The following IFT80 variants were observed in gnomAD, a reference collection of about 807,000 sequenced individuals.
IFT80 encodes the protein intraflagellar transport 80.
IFT80 carries 79 observed loss-of-function variants against 107.9 expected under a neutral mutation model. The ratio of observed to expected loss-of-function variants is 0.73; its 90% CI spans 0.61 to 0.88. The LOEUF is 0.88. IFT80 is among the 40% of genes least tolerant of loss of function. The probability of loss-of-function intolerance (pLI) is 0.00; values close to 1 mark genes in which losing one functional copy is unlikely to be tolerated. For missense variants in IFT80, 797 were observed against 914.2 expected, an observed-to-expected ratio of 0.87 and a Z score of 1.65; for synonymous variants, 299 against 300.9, an observed-to-expected ratio of 0.99 and a Z score of 0.07.
At chr3:160,278,692 T>C (rs1714460172) in intron 16 of IFT80, among the ~76,000 whole-genome samples, 1 of 152,112 alleles carries the variant, frequency 6.6e-6, no homozygotes, top group Admixed American at 6.5e-5. Flanking sequence ...AAAAAAAGCA[T>C]CTAAAAGTCA....
At position 160,381,574 on chromosome 3, in the gene IFT80, T is replaced by G; in HGVS notation, c.188A>C (p.His63Pro). ...LPDDIYPIDF[H>P]WFPKSLGVKK... ...TACACCCAAACTTTTTGGAAACCAG[T>G]GAAAATCAATAGGGTAAATATCATC... The change falls in exon 3 of 20, where the codon CAC becomes CCC. Residue 63 changes from histidine (H) to proline (P), a missense_variant. Physicochemically the swap from His to Pro is moderately conservative, Grantham distance 77. Transcript: ENST00000326448. 6.2e-7 allele frequency: 1 copy of G among 1,613,794 alleles called. No homozygotes were observed. The highest frequency in any genetic ancestry group is 8.5e-7 in the Non-Finnish European group (1 of 1,179,920).
intron 8 of IFT80, among the ~76,000 whole-genome samples, chr3:160,351,614 TTA>T (rs201032227): frequency 8.8e-5 from 13 of 147,564 alleles, no homozygotes; most frequent in South Asian, 2.1e-4. Context: ...TTTGTATATA[TTA>T]TATATATAGT....
chr3:160,268,855 A>T (rs1576726551), intron 18 of IFT80: 1 of 298,212 alleles, frequency 3.4e-6, no homozygotes, highest in Non-Finnish European at 6.4e-6. Context: ...TTTTTTCTCC[A>T]CTAGCCAATA....
At chr3:160,344,519 G>T (rs1246019511) in intron 8 of IFT80, among the ~76,000 whole-genome samples, 9 of 152,054 alleles carry the variant, frequency 5.9e-5, no homozygotes. Context: ...AAAATCTCCA[G>T]CGCTGGTCTG....
chr3:160,293,696 G>C (rs1282206377), intron 12 of IFT80, among the ~76,000 whole-genome samples: 1 of 152,084 alleles, frequency 6.6e-6, no homozygotes, highest in Non-Finnish European at 1.5e-5. Context: ...ACTCTGGTGA[G>C]CCCCTAGATA....
chr3:160,268,649 A>G (rs1306750933), intron 18 of IFT80, 113 bp from the exon 19 acceptor site: 4 of 1,015,094 alleles, frequency 3.9e-6, no homozygotes, highest in African/African-American at 3.2e-5. Context: ...TTATTCCACA[A>G]TATGAAATAC....
intron 19 of IFT80, among the ~76,000 whole-genome samples, chr3:160,260,644 T>C (rs1218612926): frequency 6.6e-6 from 1 of 152,230 alleles, no homozygotes; most frequent in Admixed American, 6.5e-5. Flanking sequence ...ATTTAGTTCG[T>C]GGATTAGAAT....
intron 8 of IFT80, among the ~76,000 whole-genome samples, chr3:160,341,044 T>G (rs1324843778): frequency 6.6e-6 from 1 of 152,164 alleles, no homozygotes; most frequent in Non-Finnish European, 1.5e-5. Flanking sequence ...AGACAAGTTT[T>G]CACTCTGTCA....
At chr3:160,319,340 T>TA (rs1223572622) in intron 9 of IFT80, among the ~76,000 whole-genome samples, 1 of 152,006 alleles carries the variant, frequency 6.6e-6, no homozygotes, top group African/African-American at 2.4e-5. Context: ...AAATAAAATT[T>TA]AAAAAAATCA....
At chr3:160,395,011 T>G (rs2108426307) in intron 1 of IFT80, among the ~76,000 whole-genome samples, 2 of 152,296 alleles carry the variant, frequency 1.3e-5, no homozygotes, top group South Asian at 4.1e-4. Context: ...AATTCTAATT[T>G]TATATGTTTC....
chr3:160,262,706 T>G (rs781056285), intron 19 of IFT80, among the ~76,000 whole-genome samples: 16 of 152,156 alleles, frequency 1.1e-4, no homozygotes, highest in Non-Finnish European at 2.4e-4. Context: ...AGAATTTATA[T>G]TTTGTCTTTA....
intron 19 of IFT80, among the ~76,000 whole-genome samples, chr3:160,260,961 G>T (rs943137601): frequency 6.7e-6 from 1 of 150,236 alleles, no homozygotes; most frequent in Non-Finnish European, 1.5e-5. Context: ...GAACTTACCT[G>T]TATCTACACC....
chr3:160,344,346 G>A (rs1320871629), intron 8 of IFT80, among the ~76,000 whole-genome samples: 1 of 151,886 alleles, frequency 6.6e-6, no homozygotes, highest in Non-Finnish European at 1.5e-5. Flanking sequence ...TTTAGTCTTT[G>A]TCCAGTCTCT....
intron 3 of IFT80, among the ~76,000 whole-genome samples, chr3:160,379,875 C>T (rs1451890966): frequency 1.3e-5 from 2 of 152,052 alleles, no homozygotes; most frequent in African/African-American, 4.8e-5. Flanking sequence ...TAAAAAACTA[C>T]CACAAGTCTC....
At chr3:160,320,958 C>T (rs1372768001) in intron 8 of IFT80, among the ~76,000 whole-genome samples, 3 of 151,774 alleles carry the variant, frequency 2.0e-5, no homozygotes, top group Non-Finnish European at 4.4e-5. Flanking sequence ...TACTGAAAGG[C>T]TCTTCAACCA....
At chr3:160,396,145 T>C (rs1713761088) in intron 1 of IFT80, among the ~76,000 whole-genome samples, 5 of 152,152 alleles carry the variant, frequency 3.3e-5, no homozygotes, top group South Asian at 2.1e-4. Flanking sequence ...TCTTTCAAAA[T>C]GATATTTCCA....
intron 9 of IFT80, among the ~76,000 whole-genome samples, chr3:160,312,547 C>A: frequency 8.4e-6 from 1 of 118,702 alleles, no homozygotes; most frequent in Non-Finnish European, 1.7e-5. Context: ...AGATCTTTAT[C>A]TTGTGTTTGA....
chr3:160,376,525 A>G (rs1712040946), intron 4 of IFT80, among the ~76,000 whole-genome samples: 1 of 152,226 alleles, frequency 6.6e-6, no homozygotes, highest in Non-Finnish European at 1.5e-5. Context: ...CAGTATAGGT[A>G]TGGTGGTTTT....
chr3:160,289,119 T>C (rs768600951), intron 12 of IFT80, among the ~76,000 whole-genome samples: 22 of 152,154 alleles, frequency 1.4e-4, no homozygotes, highest in Non-Finnish European at 7.3e-5. Flanking sequence ...TATGGAATAC[T>C]GTGCAGCCAT....
Sources: allele counts gnomAD v4.1 joint callset (sites outside exome capture counted in the v4.1 genomes callset), GRCh38; gene constraint gnomAD v4.1.1; transcripts MANE v1.5; gene names NCBI Gene and HGNC (gene_info 2026-07-23, HGNC 2026-07-21).